Variants in SEM1 observed in about 807,000 individuals in gnomAD.
SEM1 encodes the protein SEM1 26S proteasome subunit.
A neutral mutation model predicts 12.7 loss-of-function variants in SEM1; 3 were observed. The observed-to-expected ratio is 0.24, with a 90% CI of 0.11 to 0.61. SEM1 has a LOEUF of 0.61. Among genes scored for constraint, SEM1 ranks in the 20% least tolerant of loss-of-function variants. The pLI, the probability that SEM1 is intolerant of heterozygous loss-of-function variation, is 0.88. For synonymous variants in SEM1, 30 were observed against 27.8 expected (o/e 1.08, Z -0.25); for missense variants, 59 against 81.3 (o/e 0.73, Z 1.06).
chr7:96,689,231 T>C (rs1789854432), intron 2 of SEM1, among the ~76,000 whole-genome samples: 1 of 152,124 alleles, frequency 6.6e-6, no homozygotes, highest in Non-Finnish European at 1.5e-5. Context: ...GTGGAAGAAA[T>C]GTGAGGGACT....
At chr7:96,514,529 A>AC (rs35108541) in intron 2 of SEM1, among the ~76,000 whole-genome samples, 108,288 of 151,940 alleles carry the variant, frequency 0.71, 39,060 homozygotes, top group East Asian at 0.87. Flanking sequence ...TAAGTAATTG[A>AC]CAAAAAACCT....
exon 4 of SEM1, chr7:96,483,479 A>G (rs1170628104): frequency 1.3e-5 from 3 of 239,278 alleles, no homozygotes; most frequent in Non-Finnish European, 1.7e-5. Flanking sequence ...GCAACAAACC[A>G]TCAAACCTCA....
chr7:96,661,536 T>G (rs1276495281), intron 2 of SEM1, among the ~76,000 whole-genome samples: 1 of 152,156 alleles, frequency 6.6e-6, no homozygotes, highest in Non-Finnish European at 1.5e-5. Context: ...TTGCTATACA[T>G]TGTATTGACT....
At chr7:96,585,635 A>G (rs1584786351) in intron 2 of SEM1, among the ~76,000 whole-genome samples, 1 of 152,102 alleles carries the variant, frequency 6.6e-6, no homozygotes, top group South Asian at 2.1e-4. Context: ...TGGGCTTAGG[A>G]CCCTCCGAGC....
chr7:96,601,319 A>T (rs10240174), intron 2 of SEM1, among the ~76,000 whole-genome samples: 11 of 152,040 alleles, frequency 7.2e-5, no homozygotes, highest in African/African-American at 2.7e-4. Context: ...ATAGTATCTG[A>T]GGAAGTGAGT....
intron 2 of SEM1, among the ~76,000 whole-genome samples, chr7:96,679,869 C>T (rs1354007536): frequency 6.6e-6 from 1 of 152,128 alleles, no homozygotes; most frequent in Non-Finnish European, 1.5e-5. Flanking sequence ...TTAAGACACA[C>T]CAAGTGATGT....
intron 2 of SEM1, among the ~76,000 whole-genome samples, chr7:96,525,200 T>C (rs1259390984): frequency 2.0e-5 from 3 of 151,950 alleles, no homozygotes; most frequent in African/African-American, 7.3e-5. Context: ...CAGGCTCTTA[T>C]ATAAACAATT....
intron 2 of SEM1, among the ~76,000 whole-genome samples, chr7:96,599,964 G>A (rs1448638543): frequency 6.6e-6 from 1 of 152,046 alleles, no homozygotes; most frequent in Non-Finnish European, 1.5e-5. Context: ...GATTACTTGG[G>A]AATTTCCAGG....
intron 2 of SEM1, among the ~76,000 whole-genome samples, chr7:96,653,170 C>T: frequency 6.6e-6 from 1 of 152,178 alleles, no homozygotes; most frequent in East Asian, 1.9e-4. Context: ...CCCACCCAGG[C>T]CTCACTGTCT....
intron 2 of SEM1, among the ~76,000 whole-genome samples, chr7:96,528,421 G>T (rs146390868): frequency 5.5e-4 from 83 of 152,126 alleles, no homozygotes; most frequent in African/African-American, 1.9e-3. Context: ...TGAATTCCTG[G>T]ACTCAAGCAA....
downstream of SEM1, chr7:96,621,998 G>C (rs558623234): frequency 6.6e-6 from 1 of 152,418 alleles, no homozygotes. Context: ...AACATGACCA[G>C]TTACCCTCAG....
intron 2 of SEM1, among the ~76,000 whole-genome samples, chr7:96,663,224 A>T (rs1789067393): frequency 6.6e-6 from 1 of 152,316 alleles, no homozygotes; most frequent in East Asian, 1.9e-4. Context: ...GGCAATGAGT[A>T]TGTGGAAGTT....
intron 2 of SEM1, among the ~76,000 whole-genome samples, chr7:96,681,543 T>C (rs140967264): frequency 1.1e-3 from 175 of 152,258 alleles, no homozygotes; most frequent in African/African-American, 4.1e-3. Context: ...CTTTAATCCA[T>C]CTTGAGTTAA....
intron 2 of SEM1, among the ~76,000 whole-genome samples, chr7:96,680,382 C>T (rs1254734199): frequency 6.6e-6 from 1 of 152,016 alleles, no homozygotes; most frequent in East Asian, 1.9e-4. Flanking sequence ...TTAAGGAATA[C>T]AGTCTATAAC....
intron 2 of SEM1, among the ~76,000 whole-genome samples, chr7:96,636,599 T>C (rs943866820): frequency 2.0e-5 from 3 of 152,106 alleles, no homozygotes; most frequent in Non-Finnish European, 4.4e-5. Context: ...AAAGTGTGTG[T>C]GTCTGCATGT....
At chr7:96,583,491 C>G (rs1454557149) in intron 2 of SEM1, among the ~76,000 whole-genome samples, 1 of 148,972 alleles carries the variant, frequency 6.7e-6, no homozygotes, top group Non-Finnish European at 1.5e-5. Context: ...ATTAGGTCCA[C>G]TTGGTGCAGA....
chr7:96,501,647 C>T (rs572687112), intron 3 of SEM1, among the ~76,000 whole-genome samples: 2 of 152,216 alleles, frequency 1.3e-5, no homozygotes, highest in East Asian at 3.9e-4. Flanking sequence ...TTAGTAAGTA[C>T]ATAATAGCTC....
intron 2 of SEM1, among the ~76,000 whole-genome samples, chr7:96,594,165 T>C (rs1482802956): frequency 6.6e-6 from 1 of 152,186 alleles, no homozygotes; most frequent in Non-Finnish European, 1.5e-5. Flanking sequence ...CCCAAAAATG[T>C]GCTGAATATT....
intron 2 of SEM1, among the ~76,000 whole-genome samples, chr7:96,524,363 T>C (rs1804379785): frequency 6.6e-6 from 1 of 152,166 alleles, no homozygotes; most frequent in Non-Finnish European, 1.5e-5. Context: ...TGCAATATGG[T>C]AGCCAGTAGG....
Sources: gnomAD v4.1 joint callset for allele counts (sites outside exome capture counted in the v4.1 genomes callset) on GRCh38, gnomAD v4.1.1 for gene constraint, MANE v1.5 for transcripts, NCBI Gene and HGNC (gene_info 2026-07-23, HGNC 2026-07-21) for gene names.